The following GPSM1 variants were observed in gnomAD, a reference collection of about 807,000 sequenced individuals.
The protein encoded by GPSM1 is G protein signaling modulator 1, also known as G protein-signaling modulator 1.
A neutral mutation model predicts 70.5 loss-of-function variants in GPSM1; 48 were observed. The ratio of observed to expected loss-of-function variants is 0.68; its 90% CI spans 0.54 to 0.87. The LOEUF is 0.87. Ranked by LOEUF, GPSM1 falls within the 40% of genes least tolerant of loss-of-function variation. The pLI is 0.00. For synonymous variants in GPSM1, 416 were observed against 430.1 expected (o/e 0.97, Z 0.41); for missense variants, 981 against 972.6 (o/e 1.01, Z -0.11).
Position 136,341,085 on chromosome 9 carries a change from T to G in GPSM1, c.1207+92T>G. 6.5e-7 allele frequency: 1 copy of G among 1,550,158 alleles called. No individual in the cohort carries two copies. The highest frequency in any genetic ancestry group is 8.7e-7 in the Non-Finnish European group (1 of 1,146,962). The stretch of plus-strand genomic sequence containing the variant: ...GGGTGGGATCGAGGCCAGGCCAGCA[T>G]GGCGGAGGTGGCAGCCGCCAGAAAA... On this transcript the variant is annotated intron_variant, in intron 9 of 13. Coordinates refer to ENST00000440944, the MANE Select transcript of GPSM1 (RefSeq NM_001145638.3). This position sits in a 1 kb window ranked among gnomAD's most constrained non-coding sequence, Gnocchi z 6.7.
Position 136,341,130 on chromosome 9 carries a change from C to T in GPSM1, c.1207+137C>T, listed in dbSNP as rs1408988840. On this transcript the variant is annotated intron_variant, in intron 9 of 13. Transcript: ENST00000440944. This position sits in a 1 kb window ranked among gnomAD's most constrained non-coding sequence, Gnocchi z 6.7. ...AGAAAATGGCGCCTACAAGCCAGTT[C>T]TTCTTGGCCTCAGGGACAGCACAGG... 1.9e-6 allele frequency: 3 copies of T among 1,549,980 alleles called. No homozygotes were observed. The highest frequency in any genetic ancestry group is 2.7e-5 in the African/African-American group (2 of 73,036).
intron 11 of GPSM1, among the ~76,000 whole-genome samples, chr9:136,350,610 G>C (rs1832636564): frequency 6.6e-6 from 1 of 152,192 alleles, no homozygotes; most frequent in South Asian, 2.1e-4. Flanking sequence ...CCCCTGGTGA[G>C]GGGACAGCAA....
chr9:136,347,738 C>T (rs962847273), intron 9 of GPSM1, among the ~76,000 whole-genome samples: 8 of 152,036 alleles, frequency 5.3e-5, no homozygotes, highest in South Asian at 2.1e-4. Flanking sequence ...CCATTTTTTC[C>T]GTTCGCCAAC....
rs782478124 is a variant in GPSM1 at position 136,340,936 on chromosome 9, CGCCTGACCAGCCCGGCAGCCTCAGAGAA to C, written c.1159_1186del (p.Ser387TrpfsTer17). The C allele has an allele frequency of 2.9e-5, 45 of 1,566,912 alleles. No individual in the cohort carries two copies. The highest frequency in any genetic ancestry group is 3.6e-5 in the Non-Finnish European group (42 of 1,157,012). On this transcript the variant is annotated frameshift_variant, in exon 9 of 14. Coordinates refer to ENST00000440944, the MANE Select transcript of GPSM1 (RefSeq NM_001145638.3). LOFTEE classifies it high-confidence loss of function. The surrounding 1 kb of genome is among the most constrained non-coding windows in gnomAD (Gnocchi z 7.3). ...GGCGCAGCTGCAGCTGGTGCTCGGC[CGCCTGACCAGCCCGGCAGCCTCAGAGAA>C]GCCTGACCTGGCCGGCTATGAGGCC...
rs193238995 is a variant in GPSM1, at chr9:136,341,796, T to C, written c.1207+803T>C. ...TGTGGTGCTGGGCTGCCGGAGTTTC[T>C]TTTTCTTATCTTATTTTTAATAATT... On this transcript the variant is annotated intron_variant, in intron 9 of 13. Coordinates refer to ENST00000440944, the MANE Select transcript of GPSM1 (RefSeq NM_001145638.3). This position sits in a 1 kb window ranked among gnomAD's most constrained non-coding sequence, Gnocchi z 6.7. 617 of 982,676 alleles carry C rather than the reference T, an allele frequency of 6.3e-4. No individual in the cohort carries two copies. In the African/African-American group the frequency reaches 8.7e-3, roughly 14 times the overall value. The allele number at this position is 982,676 out of a possible 1,614,324, so 60.9% of individuals were successfully genotyped here. A position where few individuals can be genotyped will look rare whatever the true frequency, so the allele number is the denominator to read the frequency against.
At chr9:136,350,006 G>T (rs782698394) in intron 11 of GPSM1, among the ~76,000 whole-genome samples, 1 of 152,226 alleles carries the variant, frequency 6.6e-6, no homozygotes, top group African/African-American at 2.4e-5. Context: ...GGAGCCTCCT[G>T]GGGACTCTAG....
At chr9:136,334,781 G>C in intron 2 of GPSM1, 113 bp downstream of exon 2, 1 of 834,450 alleles carries the variant, frequency 1.2e-6, no homozygotes, top group South Asian at 1.6e-5. Flanking sequence ...CGGTGAGTGG[G>C]GACAGCCCTG....
At position 136,342,516 on chromosome 9, in the gene GPSM1, C is replaced by T. The variant is rs1588697979; in HGVS notation, c.1207+1523C>T. 6.6e-6 allele frequency among the ~76,000 whole-genome samples: 1 copy of T among 152,172 alleles called. No homozygotes were observed. Among genetic ancestry groups the T allele is most frequent in the East Asian group, 1.9e-4 (1 of 5,140 alleles). On this transcript the variant is annotated intron_variant, in intron 9 of 13. Coordinates refer to ENST00000440944, the MANE Select transcript of GPSM1 (RefSeq NM_001145638.3). This position sits in a 1 kb window ranked among gnomAD's most constrained non-coding sequence, Gnocchi z 5.5. ...CCCAGGGCTGGGGAAGGGTCCTCCT[C>T]CCCGCCCAGGGCAGCCCGGCAGCCT...
At chr9:136,346,651 G>C (rs1361431205) in intron 9 of GPSM1, among the ~76,000 whole-genome samples, 1 of 152,224 alleles carries the variant, frequency 6.6e-6, no homozygotes, top group Non-Finnish European at 1.5e-5. Flanking sequence ...ACCCAGGCCT[G>C]TTCTCATCCG....
At chr9:136,345,667 G>A (rs1050136557) in intron 9 of GPSM1, among the ~76,000 whole-genome samples, 5 of 152,226 alleles carry the variant, frequency 3.3e-5, no homozygotes, top group Admixed American at 1.3e-4. Context: ...CACTGGGGGC[G>A]GCAGAGGGAG....
rs927352413 is a variant in GPSM1, at chr9:136,341,048, G to A, written c.1207+55G>A. 20 of 1,555,486 alleles carry A rather than the reference G, an allele frequency of 1.3e-5. No individual in the cohort carries two copies. The highest frequency in any genetic ancestry group is 1.7e-4 in the Middle Eastern group (1 of 5,954). On this transcript the variant is annotated intron_variant, in intron 9 of 13. Transcript: ENST00000440944. This position sits in a 1 kb window ranked among gnomAD's most constrained non-coding sequence, Gnocchi z 6.7. ...CTCCCCACAGGCACGGACCGCATCAGGAGCTGCGGAGGGGTGGGATCGAGG... is the reference window on the plus strand; with the variant it reads ...CTCCCCACAGGCACGGACCGCATCAAGAGCTGCGGAGGGGTGGGATCGAGG...
Position 136,344,028 on chromosome 9 carries a change from A to G in GPSM1, c.1207+3035A>G, listed in dbSNP as rs372736647. ...CACTGCTGGGGCCCTCACTGGCACC[A>G]AGACCGCTGAGCCGCGTCCAGCAGC... On this transcript the variant is annotated intron_variant, in intron 9 of 13. Transcript: ENST00000440944. Among the ~76,000 whole-genome samples the G allele has an allele frequency of 3.4e-4, 52 of 152,196 alleles. No individual in the cohort carries two copies. The East Asian group carries it at 7.1e-3, about 21-fold the overall frequency.
At chr9:136,345,536 G>C (rs577977009) in intron 9 of GPSM1, among the ~76,000 whole-genome samples, 4 of 152,230 alleles carry the variant, frequency 2.6e-5, no homozygotes, top group African/African-American at 7.2e-5. Context: ...CATTTCAGCC[G>C]CTGCTGCAGC....
Position 136,327,716 on chromosome 9 carries a change from C to T in GPSM1, c.21C>T (p.Pro7=), listed in dbSNP as rs868919283. 5,111 of 1,173,246 alleles carry T rather than the reference C, an allele frequency of 4.4e-3. 180 individuals are homozygous for T. In the African/African-American group the frequency reaches 0.073, roughly 17 times the overall value. 72.7% of individuals were successfully genotyped at this position (1,173,246 alleles called of 1,614,324 possible). The change falls in exon 1 of 14, where the codon CCC becomes CCT. Residue 7 remains proline, a synonymous_variant. Transcript: ENST00000440944. ...GACCCATGGCGGGCCCGGCCCCGCCCGCGGCCGACGAGCTCCCGGGCCCGG... is the reference window on the plus strand; with the variant it reads ...GACCCATGGCGGGCCCGGCCCCGCCTGCGGCCGACGAGCTCCCGGGCCCGG... MAGPAP[P]AADELPGPAA...
Position 136,338,716 on chromosome 9 carries a change from T to C in GPSM1, c.974+6T>C. On this transcript the variant is annotated splice_donor_region_variant and intron_variant, in intron 7 of 13. Transcript: ENST00000440944. Reference sequence around the variant, plus strand: ...GCCCAGGAGCTGGCCGACAGGTGCGTGGGCGCGGACGCGGCGGGCAGACCC... The same window carrying C: ...GCCCAGGAGCTGGCCGACAGGTGCGCGGGCGCGGACGCGGCGGGCAGACCC... The C allele has an allele frequency of 5.8e-6, 9 of 1,545,888 alleles. No homozygotes were observed. The highest frequency in any genetic ancestry group is 7.8e-6 in the Non-Finnish European group (9 of 1,147,040).
chr9:136,337,206 A>G (rs1832262791), intron 4 of GPSM1, 134 bp downstream of exon 4: 3 of 1,048,260 alleles, frequency 2.9e-6, no homozygotes, highest in Non-Finnish European at 4.0e-6. Flanking sequence ...AGGTCCGCCC[A>G]CCCCCGCTTT....
chr9:136,341,060 G>A lies in GPSM1; in HGVS notation c.1207+67G>A. The stretch of plus-strand genomic sequence containing the variant: ...ACGGACCGCATCAGGAGCTGCGGAG[G>A]GGTGGGATCGAGGCCAGGCCAGCAT... On this transcript the variant is annotated intron_variant, in intron 9 of 13. Coordinates refer to ENST00000440944, the MANE Select transcript of GPSM1 (RefSeq NM_001145638.3). The surrounding 1 kb of genome is among the most constrained non-coding windows in gnomAD (Gnocchi z 6.7). 2 of 1,552,568 alleles carry A rather than the reference G, an allele frequency of 1.3e-6. No homozygotes were observed. The highest frequency in any genetic ancestry group is 2.4e-5 in the East Asian group (1 of 41,164).
chr9:136,333,676 G>A (rs1832156686), intron 1 of GPSM1, among the ~76,000 whole-genome samples: 2 of 152,224 alleles, frequency 1.3e-5, no homozygotes, highest in South Asian at 2.1e-4. Flanking sequence ...TTCACCTTGG[G>A]ATGGGGCGCC....
chr9:136,334,696 T>C (rs781808936), intron 2 of GPSM1, 28 bp downstream of exon 2: 4 of 1,572,804 alleles, frequency 2.5e-6, no homozygotes, highest in Non-Finnish European at 8.7e-7. Context: ...TGCTGGCGGG[T>C]GAGTGGGGCG....
Sources: gnomAD v4.1 joint callset for allele counts (sites outside exome capture counted in the v4.1 genomes callset) on GRCh38, gnomAD v4.1.1 for gene constraint, Gnocchi (gnomAD v3.1) non-coding constraint, MANE v1.5 for transcripts, NCBI Gene and HGNC (gene_info 2026-07-23, HGNC 2026-07-21) for gene names.